GREB1L: variants seen among roughly 807,000 people sequenced by gnomAD.
GREB1L encodes GREB1 like retinoic acid receptor coactivator.
In GREB1L, 17 loss-of-function variants were observed where a neutral mutation model predicts 200.8. The ratio of observed to expected loss-of-function variants is 0.08; its 90% CI spans 0.06 to 0.13. The LOEUF (loss-of-function observed/expected upper bound fraction) is 0.13. GREB1L is among the 10% of genes least tolerant of loss of function. The pLI is 1.00. For missense variants in GREB1L, 1,657 were observed against 2,367.7 expected (o/e 0.70, Z 6.23); for synonymous variants, 789 against 893.0 (o/e 0.88, Z 2.08).
intron 19 of GREB1L, among the ~76,000 whole-genome samples, chr18:21,490,739 A>G (rs1026700065): frequency 6.6e-6 from 1 of 152,128 alleles, no homozygotes; most frequent in African/African-American, 2.4e-5. Context: ...AGTATCCTCA[A>G]CTCACTAATT....
chr18:21,396,053 C>CT (rs942887834), intron 5 of GREB1L, among the ~76,000 whole-genome samples: 7 of 131,624 alleles, frequency 5.3e-5, no homozygotes, highest in African/African-American at 1.1e-4. Flanking sequence ...TTTTTTTTTT[C>CT]TTTTTTTTGA....
chr18:21,273,020 A>G (rs2038102895), intron 1 of GREB1L, among the ~76,000 whole-genome samples: 1 of 152,152 alleles, frequency 6.6e-6, no homozygotes. Context: ...TGAGGTCAGG[A>G]GTTTGAGACC....
chr18:21,426,266 C>T (rs2032565798), intron 7 of GREB1L, among the ~76,000 whole-genome samples: 1 of 151,962 alleles, frequency 6.6e-6, no homozygotes, highest in African/African-American at 2.4e-5. Flanking sequence ...ACCATGTTAA[C>T]CAGGCTGGTC....
intron 1 of GREB1L, among the ~76,000 whole-genome samples, chr18:21,249,215 A>G (rs2143902838): frequency 6.6e-6 from 1 of 152,272 alleles, no homozygotes; most frequent in South Asian, 2.1e-4. Context: ...TCACAAACGC[A>G]CATGAGTATG....
At chr18:21,308,445 G>T (rs185711809) in intron 1 of GREB1L, among the ~76,000 whole-genome samples, 2 of 152,278 alleles carry the variant, frequency 1.3e-5, no homozygotes, top group East Asian at 3.9e-4. Context: ...TCCTTCCATC[G>T]CAGCCTCACA....
intron 1 of GREB1L, among the ~76,000 whole-genome samples, chr18:21,296,063 A>G (rs1259873718): frequency 6.6e-6 from 1 of 152,232 alleles, no homozygotes; most frequent in African/African-American, 2.4e-5. Flanking sequence ...TGACCTAGGA[A>G]TCCCATTACT....
chr18:21,490,108 C>T lies in GREB1L; in HGVS notation c.2787C>T (p.Arg929=), dbSNP rs1309311480. Residue 929 remains arginine (R), a synonymous_variant, in exon 19 of 33, where the codon CGC becomes CGT. Coordinates refer to ENST00000424526, the MANE Select transcript of GREB1L (RefSeq NM_001142966.3). The part of the protein sequence containing the change: ...LMALTTMASL[R]DHSTPETLSI... ...CTCTCACCACCATGGCGTCACTCCG[C>T]GACCACAGCACACCAGAAACACTCA... 1.4e-5 allele frequency: 22 copies of T among 1,551,786 alleles called. No homozygotes were observed. Among genetic ancestry groups the T allele is most frequent in the Admixed American group, 7.8e-5 (4 of 50,980 alleles).
chr18:21,500,451 T>C (rs1178155290), intron 22 of GREB1L, 89 bp from the exon 23 acceptor site: 1 of 1,010,602 alleles, frequency 9.9e-7, no homozygotes, highest in African/African-American at 1.6e-5. Context: ...CAGGAGACAC[T>C]GCAGAGCCAA....
chr18:21,360,732 A>G (rs1379765138), intron 1 of GREB1L, among the ~76,000 whole-genome samples: 1 of 152,256 alleles, frequency 6.6e-6, no homozygotes, highest in Non-Finnish European at 1.5e-5. Flanking sequence ...AAAACAAAAA[A>G]TTGAATACGT....
Position 21,513,973 on chromosome 18 carries a change from C to G in GREB1L, c.4888C>G (p.Gln1630Glu). 6.4e-7 allele frequency: 1 copy of G among 1,551,552 alleles called. No individual in the cohort carries two copies. The highest frequency in any genetic ancestry group is 8.7e-7 in the Non-Finnish European group (1 of 1,146,898). The change falls in exon 28 of 33, where the codon CAG becomes GAG. Residue 1630 changes from glutamine to glutamate, a missense_variant. Gln to Glu is a conservative substitution (Grantham distance 29, BLOSUM62 2). This residue lies in a region of GREB1L where 151 missense variants were observed against 309.6 expected (regional missense o/e 0.49). Transcript: ENST00000424526. ...SCVLWNIHSV[Q>E]EPSSQPMEVG... ...TGTCCTATGGAACATTCACAGTGTTCAGGAGCCATCCAGGTAGACTTCCAA... is the reference window on the plus strand; with the variant it reads ...TGTCCTATGGAACATTCACAGTGTTGAGGAGCCATCCAGGTAGACTTCCAA...
chr18:21,268,800 G>T (rs534074996), intron 1 of GREB1L, among the ~76,000 whole-genome samples: 18 of 151,386 alleles, frequency 1.2e-4, no homozygotes, highest in Non-Finnish European at 1.8e-4. Flanking sequence ...GTTTTGCCGT[G>T]TTGCCCGGGC....
intron 7 of GREB1L, among the ~76,000 whole-genome samples, chr18:21,434,664 G>A (rs187326156): frequency 4.2e-4 from 64 of 151,536 alleles, no homozygotes; most frequent in Middle Eastern, 3.4e-3. Context: ...GCTATTTAAG[G>A]TAGTAATACT....
At chr18:21,381,361 T>C (rs1221441248) in intron 2 of GREB1L, among the ~76,000 whole-genome samples, 2 of 151,836 alleles carry the variant, frequency 1.3e-5, no homozygotes, top group African/African-American at 2.4e-5. Context: ...TGAGCCGAGA[T>C]TGCGCCACTG....
At chr18:21,395,321 G>A (rs2041008945) in intron 4 of GREB1L, 64 bp from the exon 5 acceptor site, 2 of 1,238,698 alleles carry the variant, frequency 1.6e-6, no homozygotes, top group Non-Finnish European at 2.3e-6. Context: ...CTCCAAATGA[G>A]TGATAAGAAG....
At chr18:21,503,489 AGCCAC>A (rs2036884555) in intron 23 of GREB1L, among the ~76,000 whole-genome samples, 2 of 151,914 alleles carry the variant, frequency 1.3e-5, no homozygotes, top group Admixed American at 1.3e-4. Context: ...TACAGGTGTG[AGCCAC>A]TGCACCTGGC....
At chr18:21,295,829 A>G (rs1254416138) in intron 1 of GREB1L, among the ~76,000 whole-genome samples, 1 of 152,136 alleles carries the variant, frequency 6.6e-6, no homozygotes, top group Non-Finnish European at 1.5e-5. Context: ...AAAGAGTAGA[A>G]TGGTTTGACT....
chr18:21,415,842 A>G (rs1026557000), intron 7 of GREB1L, among the ~76,000 whole-genome samples: 1 of 152,188 alleles, frequency 6.6e-6, no homozygotes, highest in African/African-American at 2.4e-5. Flanking sequence ...AAAAGATCAA[A>G]TTGTTTCCAA....
intron 1 of GREB1L, among the ~76,000 whole-genome samples, chr18:21,306,297 T>C (rs2038698893): frequency 6.6e-6 from 1 of 152,198 alleles, no homozygotes; most frequent in Admixed American, 6.5e-5. Flanking sequence ...TAAAGGTAAG[T>C]ATAGGTTGTA....
chr18:21,505,055 A>T (rs113168200), intron 23 of GREB1L, among the ~76,000 whole-genome samples: 4 of 152,262 alleles, frequency 2.6e-5, no homozygotes, highest in African/African-American at 9.6e-5. Context: ...TGCATCCTAA[A>T]ATCTCTTGGG....
Sources: allele counts gnomAD v4.1 joint callset (sites outside exome capture counted in the v4.1 genomes callset), GRCh38; gene constraint gnomAD v4.1.1; regional missense constraint gnomAD v4.1.1; transcripts MANE v1.5; gene names NCBI Gene and HGNC (gene_info 2026-07-23, HGNC 2026-07-21).